Variants in ZMYND8 observed in about 807,000 individuals in gnomAD.
ZMYND8 encodes MYND-type zinc finger-containing chromatin reader ZMYND8.
ZMYND8 carries 37 observed loss-of-function variants against 140.8 expected under a neutral mutation model. That is an observed-to-expected ratio of 0.26 (90% CI 0.20 to 0.35). ZMYND8 has a LOEUF of 0.35. Among genes scored for constraint, ZMYND8 ranks in the 10% least tolerant of loss-of-function variants. The probability of loss-of-function intolerance (pLI) is 1.00; values close to 1 mark genes in which losing one functional copy is unlikely to be tolerated. For missense variants in ZMYND8, 1,068 were observed against 1,570.0 expected, an observed-to-expected ratio of 0.68 and a Z score of 5.40; for synonymous variants, 592 against 597.1, an observed-to-expected ratio of 0.99 and a Z score of 0.12.
intron 2 of ZMYND8, among the ~76,000 whole-genome samples, chr20:47,321,550 C>T (rs2079953675): frequency 6.6e-6 from 1 of 152,212 alleles, no homozygotes; most frequent in Admixed American, 6.5e-5. Context: ...AGGCAGGTCT[C>T]ACCATGTGTA....
Position 47,239,056 on chromosome 20 carries a change from T to C in ZMYND8, c.2367A>G (p.Gln789=), listed in dbSNP as rs1408728203. The C allele has an allele frequency of 1.3e-6, 2 of 1,572,728 alleles. No homozygotes were observed. Among genetic ancestry groups the C allele is most frequent in the Non-Finnish European group, 1.7e-6 (2 of 1,157,658 alleles). The change falls in exon 15 of 23, where the codon CAA becomes CAG. Residue 789 remains glutamine (Q), a synonymous_variant. Transcript: ENST00000471951. ...ETPVLTRSSA[Q]TSAAGATATT... ...TGGCTGTGGCGCCAGCCGCGGAAGT[T>C]TGGGCGGAAGAGCGGGTGAGCACCG...
intron 2 of ZMYND8, among the ~76,000 whole-genome samples, chr20:47,341,293 G>A (rs1307101997): frequency 1.3e-5 from 2 of 152,098 alleles, no homozygotes; most frequent in African/African-American, 2.4e-5. Context: ...TTGGAAGGCC[G>A]AGGTGGGCAG....
At chr20:47,236,281 T>C (rs1214686378) in intron 16 of ZMYND8, 45 bp downstream of exon 16, 1 of 1,611,446 alleles carries the variant, frequency 6.2e-7, no homozygotes, top group Admixed American at 1.7e-5. Context: ...TCTGGCATCC[T>C]GCCAGGTGTC....
In ZMYND8 at chr20:47,238,389, TATACATGC is replaced by T. The variant is rs947764881; in HGVS notation, c.2665+361_2665+368del. On this transcript the variant is annotated intron_variant, in intron 15 of 22. Coordinates refer to ENST00000471951, the MANE Select transcript of ZMYND8 (RefSeq NM_001281775.3). ...ATACATACAGATATGTATATATACA[TATACATGC>T]ATACATGCATAGAAAAGCTTTTACA... is the stretch of plus-strand genomic sequence containing the variant. 17 of 333,294 alleles carry T rather than the reference TATACATGC, an allele frequency of 5.1e-5. No individual in the cohort carries two copies. The East Asian group carries it at 6.6e-4, about 13-fold the overall frequency. The allele number at this position is 333,294 out of a possible 1,614,324, so 20.6% of individuals were successfully genotyped here. A position where few individuals can be genotyped will look rare whatever the true frequency, so the allele number is the denominator to read the frequency against.
intron 4 of ZMYND8, among the ~76,000 whole-genome samples, chr20:47,296,360 A>G (rs771160387): frequency 6.6e-6 from 1 of 152,236 alleles, no homozygotes; most frequent in Non-Finnish European, 1.5e-5. Flanking sequence ...CTGGTGATGC[A>G]ATACTGACCA....
chr20:47,266,448 T>G (rs2075534156), intron 11 of ZMYND8, among the ~76,000 whole-genome samples: 1 of 152,010 alleles, frequency 6.6e-6, no homozygotes, highest in African/African-American at 2.4e-5. Context: ...GCCCGGCTAA[T>G]TTTTGTATTT....
chr20:47,270,919 T>C (rs550027107), intron 11 of ZMYND8, among the ~76,000 whole-genome samples: 42 of 151,210 alleles, frequency 2.8e-4, no homozygotes, highest in Admixed American at 1.7e-3. Context: ...CTACTAAAAA[T>C]ACAAAAAATT....
At chr20:47,286,174 T>G (rs2076909424) in intron 8 of ZMYND8, among the ~76,000 whole-genome samples, 1 of 143,800 alleles carries the variant, frequency 7.0e-6, no homozygotes, top group South Asian at 2.4e-4. Flanking sequence ...TTTATAAGGA[T>G]AGATTTTTTT....
rs1264753922 is a variant in ZMYND8 at position 47,298,588 on chromosome 20, G to A, written c.453+141C>T. On this transcript the variant is annotated intron_variant, in intron 4 of 22. Transcript: ENST00000471951. The surrounding 1 kb of genome is among the most constrained non-coding windows in gnomAD (Gnocchi z 5.0). ...CACTGCCGGTGTTGGTCAAGAAGGG[G>A]GTGACCAGGATAGAACAGGTGGAAA... 27 of 1,470,116 alleles carry A rather than the reference G, an allele frequency of 1.8e-5. No homozygotes were observed. The highest frequency in any genetic ancestry group is 2.4e-5 in the Non-Finnish European group (27 of 1,111,082). The allele number at this position is 1,470,116 out of a possible 1,614,324, so 91.1% of individuals were successfully genotyped here.
intron 3 of ZMYND8, among the ~76,000 whole-genome samples, chr20:47,301,072 T>A (rs2078008337): frequency 6.6e-6 from 1 of 152,098 alleles, no homozygotes; most frequent in Non-Finnish European, 1.5e-5. Flanking sequence ...TTAGTAGACC[T>A]TTGTAAACCA....
chr20:47,294,594 A>T, intron 5 of ZMYND8, 72 bp downstream of exon 5: 1 of 1,430,594 alleles, frequency 7.0e-7, no homozygotes, highest in South Asian at 1.2e-5. Context: ...CTAAAAAGCT[A>T]AGCTATTAAC....
rs117079334 is a variant in ZMYND8, at chr20:47,317,836, G to A, written c.86-7632C>T. ...CTGTGCTCTCCCCTGCAGTGTGACCGTAAAAAGGCAACTTAACCTCTCTGT... is the reference window on the plus strand; with the variant it reads ...CTGTGCTCTCCCCTGCAGTGTGACCATAAAAAGGCAACTTAACCTCTCTGT... On this transcript the variant is annotated intron_variant, in intron 2 of 22. Transcript: ENST00000471951. Among the ~76,000 whole-genome samples the A allele has an allele frequency of 6.6e-5, 10 of 152,234 alleles. No individual in the cohort carries two copies. In the East Asian group the frequency reaches 1.2e-3, roughly 18 times the overall value.
At chr20:47,325,017 G>C (rs2080293665) in intron 2 of ZMYND8, among the ~76,000 whole-genome samples, 1 of 152,152 alleles carries the variant, frequency 6.6e-6, no homozygotes, top group Non-Finnish European at 1.5e-5. Flanking sequence ...CCATTCTCCT[G>C]CCTCAGCCTC....
At chr20:47,267,017 A>G (rs1374862080) in intron 11 of ZMYND8, among the ~76,000 whole-genome samples, 2 of 152,226 alleles carry the variant, frequency 1.3e-5, no homozygotes, top group East Asian at 3.8e-4. Context: ...ACTGTCCATC[A>G]ATGGACAAAC....
At chr20:47,276,904 T>C (rs1358251879) in intron 10 of ZMYND8, 109 bp from the exon 11 acceptor site, 2 of 977,328 alleles carry the variant, frequency 2.0e-6, no homozygotes, top group East Asian at 3.2e-5. Flanking sequence ...AAGATTCTTA[T>C]TCTATTAAAA....
intron 6 of ZMYND8, among the ~76,000 whole-genome samples, chr20:47,291,026 A>T (rs2077231988): frequency 6.6e-6 from 1 of 152,222 alleles, no homozygotes; most frequent in Admixed American, 6.5e-5. Flanking sequence ...AGTAATGTTA[A>T]GGAATGTATC....
chr20:47,326,321 C>G (rs1288629919), intron 2 of ZMYND8, among the ~76,000 whole-genome samples: 1 of 151,882 alleles, frequency 6.6e-6, no homozygotes, highest in Non-Finnish European at 1.5e-5. Context: ...AGGCTGGTCT[C>G]GAACTCCTGA....
intron 11 of ZMYND8, among the ~76,000 whole-genome samples, chr20:47,264,521 C>G (rs1402934563): frequency 6.6e-6 from 1 of 152,208 alleles, no homozygotes; most frequent in Non-Finnish European, 1.5e-5. Context: ...AAGGGATCCA[C>G]CCGCCTCAGC....
chr20:47,242,137 C>T (rs1329752584), intron 14 of ZMYND8, among the ~76,000 whole-genome samples: 1 of 152,104 alleles, frequency 6.6e-6, no homozygotes, highest in Non-Finnish European at 1.5e-5. Context: ...TTTTTAAGAT[C>T]AGTATTACCC....
Sources: gnomAD v4.1 joint callset for allele counts (sites outside exome capture counted in the v4.1 genomes callset) on GRCh38, gnomAD v4.1.1 for gene constraint, Gnocchi (gnomAD v3.1) non-coding constraint, MANE v1.5 for transcripts, NCBI Gene and HGNC (gene_info 2026-07-23, HGNC 2026-07-21) for gene names.